Variants in PFDN1 observed in about 807,000 individuals in gnomAD.
The protein encoded by PFDN1 is prefoldin 1.
Under a neutral mutation model 17.3 loss-of-function variants are expected in PFDN1, and 6 were observed. The observed-to-expected ratio is 0.35, with a 90% CI of 0.19 to 0.69. PFDN1 has a LOEUF of 0.69. Ranked by LOEUF, PFDN1 falls within the 30% of genes least tolerant of loss-of-function variation. The pLI is 0.65. For synonymous variants in PFDN1, 58 were observed against 50.1 expected (o/e 1.16, Z -0.67); for missense variants, 113 against 146.2 (o/e 0.77, Z 1.17).
rs189995841 is a variant in PFDN1 at position 140,256,984 on chromosome 5, T to C, written c.286-10927A>G. 4.8e-4 allele frequency among the ~76,000 whole-genome samples: 72 copies of C among 151,456 alleles called. 2 individuals carry two copies. The highest frequency in any genetic ancestry group is 1.6e-3 in the African/African-American group (64 of 41,244). On this transcript the variant is annotated intron_variant, in intron 3 of 3. Coordinates refer to ENST00000261813, the MANE Select transcript of PFDN1 (RefSeq NM_002622.5). ...CCTGTAATCCCTGCACTTCGGGAGG[T>C]TGAGGCAGGTGGATCACCTGAGGTC...
chr5:140,257,419 G>A (rs1765004566), intron 3 of PFDN1, among the ~76,000 whole-genome samples: 1 of 152,078 alleles, frequency 6.6e-6, no homozygotes, highest in Non-Finnish European at 1.5e-5. Context: ...ATATCTCTCT[G>A]TGTAATATTT....
intron 3 of PFDN1, 101 bp from the exon 4 acceptor site, chr5:140,246,158 A>G (rs3822739): frequency 0.22 from 169,908 of 760,756 alleles, 19,706 homozygotes; most frequent in East Asian, 0.28. Flanking sequence ...CCTTTGTGAC[A>G]GGCAACTTTC....
intron 2 of PFDN1, among the ~76,000 whole-genome samples, chr5:140,298,109 G>C (rs1016236560): frequency 6.6e-6 from 1 of 152,086 alleles, no homozygotes; most frequent in Non-Finnish European, 1.5e-5. Flanking sequence ...CTCAAATTGG[G>C]ATCCTTATCC....
At chr5:140,275,746 C>T (rs1177163540) in intron 3 of PFDN1, among the ~76,000 whole-genome samples, 1 of 152,120 alleles carries the variant, frequency 6.6e-6, no homozygotes, top group African/African-American at 2.4e-5. Flanking sequence ...GAACCTGAAT[C>T]AGACCAGCAC....
At chr5:140,255,133 A>C (rs1380309298) in intron 3 of PFDN1, among the ~76,000 whole-genome samples, 1 of 152,204 alleles carries the variant, frequency 6.6e-6, no homozygotes, top group Non-Finnish European at 1.5e-5. Context: ...TAACTATTTC[A>C]TGCTTTGTCT....
intron 3 of PFDN1, among the ~76,000 whole-genome samples, chr5:140,276,607 C>T (rs192729440): frequency 3.2e-4 from 49 of 151,810 alleles, no homozygotes; most frequent in African/African-American, 1.1e-3. Flanking sequence ...ATGCAAAACC[C>T]TGTCTCTACT....
intron 2 of PFDN1, among the ~76,000 whole-genome samples, chr5:140,284,107 A>C (rs1469449403): frequency 6.6e-6 from 1 of 152,216 alleles, no homozygotes; most frequent in East Asian, 1.9e-4. Context: ...GCAGAAAATA[A>C]AATTACTAGA....
intron 3 of PFDN1, among the ~76,000 whole-genome samples, chr5:140,257,933 G>A (rs1335866538): frequency 4.5e-4 from 69 of 152,340 alleles, no homozygotes; most frequent in Non-Finnish European, 8.8e-5. Context: ...ACTCAGCTCT[G>A]AAGGATGAGC....
chr5:140,266,318 C>G (rs1434019187), intron 3 of PFDN1, among the ~76,000 whole-genome samples: 1 of 152,330 alleles, frequency 6.6e-6, no homozygotes, highest in Non-Finnish European at 1.5e-5. Context: ...CTGGATAATG[C>G]AGCAGCCTAT....
chr5:140,258,646 A>T (rs1765021961), intron 3 of PFDN1, among the ~76,000 whole-genome samples: 1 of 152,198 alleles, frequency 6.6e-6, no homozygotes, highest in Admixed American at 6.5e-5. Flanking sequence ...TCCCTTCATC[A>T]TAACCTTCAT....
chr5:140,245,910 A>G lies in PFDN1; in HGVS notation c.*64T>C. The G allele has an allele frequency of 1.1e-6, 1 of 905,770 alleles. No homozygotes were observed. The highest frequency in any genetic ancestry group is 1.8e-6 in the Non-Finnish European group (1 of 559,838). 56.1% of individuals were successfully genotyped at this position (905,770 alleles called of 1,614,324 possible). ...GGCAGAGGAGAAGCTGTTTCCCTGC[A>G]GACACTCCTCTGCCCCCACCAGGAA... On this transcript the variant is annotated 3_prime_UTR_variant, in exon 4 of 4. Coordinates refer to ENST00000261813, the MANE Select transcript of PFDN1 (RefSeq NM_002622.5).
chr5:140,251,283 A>C (rs1764909068), intron 3 of PFDN1, among the ~76,000 whole-genome samples: 1 of 152,202 alleles, frequency 6.6e-6, no homozygotes, highest in Admixed American at 6.5e-5. Context: ...AAATCTATAC[A>C]ATTATGAATT....
Position 140,254,743 on chromosome 5 carries a change from A to G in PFDN1, c.286-8686T>C, listed in dbSNP as rs9986248. Among the ~76,000 whole-genome samples the G allele has an allele frequency of 0.028, 4,278 of 152,290 alleles. 205 individuals are homozygous for G. Among genetic ancestry groups the G allele is most frequent in the African/African-American group, 0.097 (4,049 of 41,530 alleles). On this transcript the variant is annotated intron_variant, in intron 3 of 3. Transcript: ENST00000261813. This position sits in a 1 kb window ranked among gnomAD's most constrained non-coding sequence, Gnocchi z 4.4. ...CCACTACCTCATATTCTTCCAGGTCACTTCTGATACTCTCGCTCCAGCATT... is the reference window on the plus strand; with the variant it reads ...CCACTACCTCATATTCTTCCAGGTCGCTTCTGATACTCTCGCTCCAGCATT...
At chr5:140,246,700 C>T (rs1408868504) in intron 3 of PFDN1, among the ~76,000 whole-genome samples, 1 of 152,188 alleles carries the variant, frequency 6.6e-6, no homozygotes, top group African/African-American at 2.4e-5. Context: ...TTAAAAATCT[C>T]GGCTTAGACA....
chr5:140,282,328 T>G (rs911216477), intron 2 of PFDN1, among the ~76,000 whole-genome samples: 2 of 151,914 alleles, frequency 1.3e-5, no homozygotes, highest in African/African-American at 4.8e-5. Context: ...CCTATAAGTT[T>G]TGTTTTTTCA....
chr5:140,297,362 A>G (rs1054605030), intron 2 of PFDN1, among the ~76,000 whole-genome samples: 2 of 152,204 alleles, frequency 1.3e-5, no homozygotes, highest in African/African-American at 4.8e-5. Context: ...TCAGAAATAG[A>G]TATCTCAGGT....
chr5:140,249,588 A>G (rs1162636365), intron 3 of PFDN1, among the ~76,000 whole-genome samples: 2 of 152,166 alleles, frequency 1.3e-5, no homozygotes, highest in Non-Finnish European at 2.9e-5. Flanking sequence ...GGAATACCTG[A>G]GGCTGGGTAA....
chr5:140,283,900 G>A (rs1203561636), intron 2 of PFDN1, among the ~76,000 whole-genome samples: 3 of 152,164 alleles, frequency 2.0e-5, no homozygotes, highest in Non-Finnish European at 4.4e-5. Flanking sequence ...TTTAGCCATG[G>A]AAATAATTTT....
intron 3 of PFDN1, among the ~76,000 whole-genome samples, chr5:140,274,795 G>A (rs574257520): frequency 6.6e-6 from 1 of 151,982 alleles, no homozygotes; most frequent in Non-Finnish European, 1.5e-5. Context: ...GGATCACCCA[G>A]GAGTTCAAGA....
Sources: gnomAD v4.1 joint callset for allele counts (sites outside exome capture counted in the v4.1 genomes callset) on GRCh38, gnomAD v4.1.1 for gene constraint, Gnocchi (gnomAD v3.1) non-coding constraint, MANE v1.5 for transcripts, NCBI Gene and HGNC (gene_info 2026-07-23, HGNC 2026-07-21) for gene names.